Variants in CNTNAP2 observed in about 807,000 individuals in gnomAD.
CNTNAP2 encodes contactin associated protein 2.
In CNTNAP2, 98 loss-of-function variants were observed where a neutral mutation model predicts 155.2. The observed-to-expected ratio is 0.63, with a 90% CI of 0.54 to 0.75. CNTNAP2 has a LOEUF of 0.75. Among genes scored for constraint, CNTNAP2 ranks in the 30% least tolerant of loss-of-function variants. CNTNAP2 has a pLI of 0.00. For missense variants in CNTNAP2, 1,727 were observed against 1,688.1 expected (o/e 1.02, Z -0.40); for synonymous variants, 651 against 631.2 (o/e 1.03, Z -0.47).
At chr7:147,379,121 TAA>T (rs1425628203) in intron 9 of CNTNAP2, among the ~76,000 whole-genome samples, 1 of 152,094 alleles carries the variant, frequency 6.6e-6, no homozygotes, top group Non-Finnish European at 1.5e-5. Context: ...GCCATGATTA[TAA>T]GTTTCCTGAG....
intron 1 of CNTNAP2, among the ~76,000 whole-genome samples, chr7:146,262,319 C>A: frequency 6.6e-6 from 1 of 152,082 alleles, no homozygotes; most frequent in Non-Finnish European, 1.5e-5. Flanking sequence ...AAATCCTTGC[C>A]CCCCTCAATT....
rs527633830 is a variant in CNTNAP2, at chr7:147,552,564, T to C, written c.1778-9574T>C. ...TTTGAATTTCTTTACTCCATTTTAC[T>C]TTCCTCAACACACACACACACACAC... On this transcript the variant is annotated intron_variant, in intron 11 of 23. Coordinates refer to ENST00000361727, the MANE Select transcript of CNTNAP2 (RefSeq NM_014141.6). 1.6e-4 allele frequency among the ~76,000 whole-genome samples: 23 copies of C among 145,230 alleles called. No individual in the cohort carries two copies. In the South Asian group the frequency reaches 4.3e-3, roughly 27 times the overall value.
intron 13 of CNTNAP2, among the ~76,000 whole-genome samples, chr7:147,811,462 A>G (rs1210692624): frequency 6.6e-6 from 1 of 152,160 alleles, no homozygotes; most frequent in Non-Finnish European, 1.5e-5. Context: ...TCAGATCCAG[A>G]GTTACAAATT....
intron 1 of CNTNAP2, among the ~76,000 whole-genome samples, chr7:146,599,163 T>C (rs1186725886): frequency 1.3e-5 from 2 of 152,144 alleles, no homozygotes; most frequent in African/African-American, 4.8e-5. Context: ...CAAGCCATTT[T>C]CTCTTACCTA....
At chr7:146,179,245 C>T (rs531724779) in intron 1 of CNTNAP2, among the ~76,000 whole-genome samples, 46 of 151,944 alleles carry the variant, frequency 3.0e-4, no homozygotes, top group African/African-American at 1.1e-3. Context: ...GGAACATGGC[C>T]GTTCTGGACA....
At chr7:146,301,553 G>A (rs1369687274) in intron 1 of CNTNAP2, among the ~76,000 whole-genome samples, 1 of 152,064 alleles carries the variant, frequency 6.6e-6, no homozygotes. Flanking sequence ...GTGAACCCGG[G>A]AGGCGGAGCT....
chr7:146,531,212 G>A (rs568406244), intron 1 of CNTNAP2, among the ~76,000 whole-genome samples: 95 of 152,222 alleles, frequency 6.2e-4, no homozygotes, highest in African/African-American at 2.2e-3. Flanking sequence ...GAGACTGGGG[G>A]CTACTTGAGG....
intron 1 of CNTNAP2, among the ~76,000 whole-genome samples, chr7:146,498,818 A>C (rs1797257773): frequency 6.6e-6 from 1 of 152,196 alleles, no homozygotes; most frequent in African/African-American, 2.4e-5. Flanking sequence ...AGGGAAAAGT[A>C]ACACAGAAAC....
intron 1 of CNTNAP2, among the ~76,000 whole-genome samples, chr7:146,386,489 A>G (rs1157402991): frequency 5.9e-5 from 9 of 152,146 alleles, no homozygotes; most frequent in African/African-American, 2.2e-4. Context: ...CCTGGGCTCA[A>G]GTGATTCTCC....
At chr7:148,335,401 G>A (rs532051965) in intron 21 of CNTNAP2, among the ~76,000 whole-genome samples, 18 of 152,290 alleles carry the variant, frequency 1.2e-4, no homozygotes, top group African/African-American at 4.1e-4. Flanking sequence ...GTTGCTGAGT[G>A]CTGCCAATCA....
At chr7:147,089,318 G>A (rs1365026788) in intron 4 of CNTNAP2, among the ~76,000 whole-genome samples, 4 of 152,044 alleles carry the variant, frequency 2.6e-5, no homozygotes, top group Admixed American at 2.6e-4. Context: ...GCACTTCTCT[G>A]TTTGTCAATG....
chr7:147,952,713 C>A (rs190423282), intron 14 of CNTNAP2, among the ~76,000 whole-genome samples: 1 of 152,074 alleles, frequency 6.6e-6, no homozygotes, highest in African/African-American at 2.4e-5. Context: ...CACACAGACA[C>A]GTCACATGCA....
chr7:148,265,218 A>T (rs1314986996), intron 20 of CNTNAP2, among the ~76,000 whole-genome samples: 1 of 152,196 alleles, frequency 6.6e-6, no homozygotes, highest in Non-Finnish European at 1.5e-5. Context: ...TGCTCCAAAG[A>T]AACATATATA....
At chr7:146,176,710 C>A (rs1220106735) in intron 1 of CNTNAP2, among the ~76,000 whole-genome samples, 1 of 152,054 alleles carries the variant, frequency 6.6e-6, no homozygotes, top group Non-Finnish European at 1.5e-5. Flanking sequence ...AAGTTCCTGG[C>A]CTCCGTGAAC....
chr7:146,678,103 C>T (rs562322706), intron 1 of CNTNAP2, among the ~76,000 whole-genome samples: 187 of 152,006 alleles, frequency 1.2e-3, no homozygotes, highest in African/African-American at 4.1e-3. Context: ...GCTCTGTCAC[C>T]CAGGCTGGAG....
At chr7:147,207,320 AC>A (rs1338940849) in intron 8 of CNTNAP2, among the ~76,000 whole-genome samples, 3 of 152,232 alleles carry the variant, frequency 2.0e-5, no homozygotes, top group Admixed American at 1.3e-4. Flanking sequence ...ATAGTTTACT[AC>A]ATTGGAGTAT....
chr7:147,626,199 C>T (rs73470927), intron 12 of CNTNAP2, among the ~76,000 whole-genome samples: 2,048 of 152,042 alleles, frequency 0.013, 51 homozygotes, highest in African/African-American at 0.044. Flanking sequence ...GCTGCAGATT[C>T]GAGCACAGGA....
chr7:146,732,323 ATGTTATGACTT>A (rs1212548443), intron 1 of CNTNAP2, among the ~76,000 whole-genome samples: 1 of 152,136 alleles, frequency 6.6e-6, no homozygotes, highest in Non-Finnish European at 1.5e-5. Context: ...TTCTCTTCAC[ATGTTATGACTT>A]TGTTTCAACT....
chr7:147,541,037 A>G (rs1799630027), intron 11 of CNTNAP2, among the ~76,000 whole-genome samples: 1 of 152,216 alleles, frequency 6.6e-6, no homozygotes, highest in Non-Finnish European at 1.5e-5. Context: ...TACTTAAAAT[A>G]AAATGAGTTT....
Sources: allele counts gnomAD v4.1 joint callset (sites outside exome capture counted in the v4.1 genomes callset), GRCh38; gene constraint gnomAD v4.1.1; transcripts MANE v1.5; gene names NCBI Gene and HGNC (gene_info 2026-07-23, HGNC 2026-07-21).